MCU: variants seen among roughly 807,000 people sequenced by gnomAD.
The protein encoded by MCU is calcium uniporter protein, mitochondrial.
A neutral mutation model predicts 45.2 loss-of-function variants in MCU; 12 were observed. That is an observed-to-expected ratio of 0.27 (90% CI 0.17 to 0.43). The LOEUF (loss-of-function observed/expected upper bound fraction) is 0.43, where lower values mean the gene tolerates loss of function less well. Ranked by LOEUF, MCU falls within the 20% of genes least tolerant of loss-of-function variation. MCU has a pLI of 1.00. For synonymous variants in MCU, 160 were observed against 165.1 expected (o/e 0.97, Z 0.24); for missense variants, 324 against 436.7 (o/e 0.74, Z 2.30).
At chr10:72,715,878 G>A (rs754665534) in intron 1 of MCU, 54 of 985,454 alleles carry the variant, frequency 5.5e-5, no homozygotes, top group Non-Finnish European at 6.3e-5. Context: ...ACCTGTTCAC[G>A]CAGGGGAAAC....
At chr10:72,701,414 C>T (rs191917864) in intron 1 of MCU, among the ~76,000 whole-genome samples, 40 of 152,294 alleles carry the variant, frequency 2.6e-4, no homozygotes, top group African/African-American at 9.6e-4. Flanking sequence ...CTGTACTGTT[C>T]TGGGTGTCAG....
chr10:72,744,572 G>A (rs1293888898), intron 1 of MCU, among the ~76,000 whole-genome samples: 2 of 152,332 alleles, frequency 1.3e-5, no homozygotes, highest in South Asian at 2.1e-4. Context: ...GGAGGTTACA[G>A]TGAGCCGAGA....
At chr10:72,749,123 A>G (rs1018516141) in intron 1 of MCU, among the ~76,000 whole-genome samples, 5 of 151,922 alleles carry the variant, frequency 3.3e-5, no homozygotes, top group Admixed American at 1.3e-4. Flanking sequence ...GAAAAAAAAA[A>G]TGTTGTTTTT....
chr10:72,796,785 C>T (rs186379262), intron 1 of MCU, among the ~76,000 whole-genome samples: 15 of 150,974 alleles, frequency 9.9e-5, no homozygotes, highest in Non-Finnish European at 1.8e-4. Context: ...GCCTCAGCCT[C>T]CTAAAGTGCT....
chr10:72,754,130 C>T (rs1004347645), intron 1 of MCU, among the ~76,000 whole-genome samples: 2 of 152,170 alleles, frequency 1.3e-5, no homozygotes, highest in African/African-American at 4.8e-5. Flanking sequence ...GGAAGCCAAA[C>T]TTCCTCTGGC....
intron 1 of MCU, among the ~76,000 whole-genome samples, chr10:72,726,539 A>G (rs1246215835): frequency 6.6e-6 from 1 of 152,058 alleles, no homozygotes; most frequent in Non-Finnish European, 1.5e-5. Flanking sequence ...CATTGTAATA[A>G]GCATCTTGTA....
intron 1 of MCU, chr10:72,693,195 TGTGTGAGAGAGAGAGAGACAGA>T (rs1564530470): frequency 1.6e-5 from 15 of 909,974 alleles, no homozygotes; most frequent in Non-Finnish European, 1.4e-5. Flanking sequence ...TGTGTGTGTG[TGTGTGAGAGAGAGAGAGACAGA>T]GTGTGAGAGA....
intron 1 of MCU, among the ~76,000 whole-genome samples, chr10:72,737,450 G>T (rs1171275176): frequency 2.0e-5 from 3 of 152,124 alleles, no homozygotes; most frequent in South Asian, 2.1e-4. Flanking sequence ...GTAAAGAGAG[G>T]GGGTAAGGGA....
At chr10:72,863,616 C>CTTATT (rs1352487546) in intron 4 of MCU, among the ~76,000 whole-genome samples, 1 of 152,060 alleles carries the variant, frequency 6.6e-6, no homozygotes, top group African/African-American at 2.4e-5. Flanking sequence ...ACAAGTCTAT[C>CTTATT]TTATTTTATT....
At chr10:72,789,022 ATACTT>A in intron 1 of MCU, among the ~76,000 whole-genome samples, 1 of 152,150 alleles carries the variant, frequency 6.6e-6, no homozygotes. Flanking sequence ...AGATAAGACT[ATACTT>A]AGAGTCCTGT....
chr10:72,877,802 G>A (rs1369700811), intron 6 of MCU, among the ~76,000 whole-genome samples: 1 of 152,148 alleles, frequency 6.6e-6, no homozygotes, highest in East Asian at 1.9e-4. Context: ...TTAGCCTAGA[G>A]GAACCAAAGC....
At position 72,707,606 on chromosome 10, in the gene MCU, G is replaced by GGTGTGTGTGTGT. The variant is rs373225323; in HGVS notation, c.150+15336_150+15347dup. Among the ~76,000 whole-genome samples the GGTGTGTGTGTGT allele has an allele frequency of 7.3e-4, 98 of 135,032 alleles. 1 individual carries two copies. The highest frequency in any genetic ancestry group is 6.3e-3 in the East Asian group (29 of 4,582). The allele number at this position is 135,032 out of a possible 152,430, so 88.6% of individuals were successfully genotyped here. On this transcript the variant is annotated intron_variant, in intron 1 of 7. Coordinates refer to ENST00000373053, the MANE Select transcript of MCU (RefSeq NM_138357.3). ...AAATGAAGAGGTGGTCGTGGTGAGT[G>GGTGTGTGTGTGT]GTGTGTGTGTGTGTGTGTGTGTGTG... is the stretch of plus-strand genomic sequence containing the variant.
At chr10:72,866,098 T>C (rs1004309189) in intron 4 of MCU, among the ~76,000 whole-genome samples, 1 of 150,500 alleles carries the variant, frequency 6.6e-6, no homozygotes, top group South Asian at 2.1e-4. Context: ...TTAAACATAG[T>C]AAAGAAAATC....
intron 6 of MCU, among the ~76,000 whole-genome samples, chr10:72,882,467 TGC>T (rs1845718520): frequency 2.0e-5 from 3 of 152,184 alleles, no homozygotes; most frequent in Admixed American, 2.0e-4. Context: ...AGAAAGAGAA[TGC>T]ACCCCTGAGG....
chr10:72,701,710 C>G (rs567489967), intron 1 of MCU, among the ~76,000 whole-genome samples: 1 of 151,966 alleles, frequency 6.6e-6, no homozygotes, highest in East Asian at 1.9e-4. Context: ...GTATTTTCTT[C>G]TTAGTAGAGA....
chr10:72,883,224 G>C, intron 6 of MCU, among the ~76,000 whole-genome samples: 1 of 152,264 alleles, frequency 6.6e-6, no homozygotes, highest in East Asian at 1.9e-4. Context: ...CTGGGGGTTT[G>C]GGGGGAGAGG....
intron 1 of MCU, among the ~76,000 whole-genome samples, chr10:72,720,053 T>G (rs886089072): frequency 6.6e-6 from 1 of 152,092 alleles, no homozygotes; most frequent in African/African-American, 2.4e-5. Flanking sequence ...TTAAATTTTT[T>G]TTTTTGGAGA....
intron 1 of MCU, among the ~76,000 whole-genome samples, chr10:72,813,884 G>A (rs575158248): frequency 2.0e-4 from 30 of 152,132 alleles, no homozygotes; most frequent in Admixed American, 5.9e-4. Context: ...TAACCTGCAG[G>A]TCTATTTAGT....
At chr10:72,862,164 G>A (rs1845387861) in intron 4 of MCU, among the ~76,000 whole-genome samples, 1 of 151,874 alleles carries the variant, frequency 6.6e-6, no homozygotes, top group Non-Finnish European at 1.5e-5. Context: ...TGTATTTTTA[G>A]TAGAGACGGG....
Sources: gnomAD v4.1 joint callset for allele counts (sites outside exome capture counted in the v4.1 genomes callset) on GRCh38, gnomAD v4.1.1 for gene constraint, MANE v1.5 for transcripts, NCBI Gene and HGNC (gene_info 2026-07-23, HGNC 2026-07-21) for gene names.